Variants in NTNG2 observed in about 807,000 individuals in gnomAD.
NTNG2 encodes netrin G2, also known as netrin-G2.
NTNG2 carries 15 observed loss-of-function variants against 47.6 expected under a neutral mutation model. The observed-to-expected ratio is 0.32, with a 90% CI of 0.21 to 0.49. The LOEUF (loss-of-function observed/expected upper bound fraction) is 0.49. NTNG2 is among the 20% of genes least tolerant of loss of function. The probability of loss-of-function intolerance (pLI) is 0.99; values close to 1 mark genes in which losing one functional copy is unlikely to be tolerated. For synonymous variants in NTNG2, 307 were observed against 324.6 expected (o/e 0.95, Z 0.58); for missense variants, 578 against 764.6 (o/e 0.76, Z 2.88).
At chr9:132,167,115 G>A in intron 2 of NTNG2, 71 bp downstream of exon 2, 3 of 1,527,500 alleles carry the variant, frequency 2.0e-6, no homozygotes, top group Non-Finnish European at 2.7e-6. Flanking sequence ...TCCTTGGGGT[G>A]GACGAGCAGA....
intron 2 of NTNG2, among the ~76,000 whole-genome samples, chr9:132,191,820 C>T (rs935453238): frequency 2.0e-5 from 3 of 152,212 alleles, no homozygotes; most frequent in African/African-American, 2.4e-5. Flanking sequence ...ATCCACCCGC[C>T]TCAGCCTCCC....
intron 2 of NTNG2, among the ~76,000 whole-genome samples, chr9:132,190,259 AAAG>A (rs1837779262): frequency 7.3e-6 from 1 of 136,130 alleles, no homozygotes; most frequent in Admixed American, 7.4e-5. Context: ...AAAAAAAAAA[AAAG>A]AAGGTTTTAG....
At chr9:132,204,239 A>G (rs915931318) in intron 3 of NTNG2, among the ~76,000 whole-genome samples, 8 of 152,172 alleles carry the variant, frequency 5.3e-5, no homozygotes, top group Non-Finnish European at 8.8e-5. Context: ...CGGCTCCTGC[A>G]GACCCAGCTT....
chr9:132,170,357 A>G (rs756948924), intron 2 of NTNG2, among the ~76,000 whole-genome samples: 3 of 152,364 alleles, frequency 2.0e-5, no homozygotes, highest in South Asian at 2.1e-4. Flanking sequence ...TCAACAGAGG[A>G]TTCTTGGGCG....
intron 2 of NTNG2, among the ~76,000 whole-genome samples, chr9:132,196,869 A>C (rs1838351886): frequency 6.6e-6 from 1 of 152,330 alleles, no homozygotes; most frequent in Admixed American, 6.5e-5. Context: ...ACTTCTGTCC[A>C]ATTGGCTGTA....
In NTNG2 at chr9:132,231,992, G is replaced by A. The variant is rs541907835; in HGVS notation, c.1054+1397G>A. ...GACACCTGGGTCAACCTGTTCCTGA[G>A]CCCAGCCAGGGGATTCAGGGATCAG... On this transcript the variant is annotated intron_variant, in intron 5 of 7. Transcript: ENST00000393229. The surrounding 1 kb of genome is among the most constrained non-coding windows in gnomAD (Gnocchi z 4.1). 2 of 152,536 alleles carry A rather than the reference G, an allele frequency of 1.3e-5. No individual in the cohort carries two copies. The highest frequency in any genetic ancestry group is 4.8e-5 in the African/African-American group (2 of 41,580). The allele number at this position is 152,536 out of a possible 1,614,324, so 9.4% of individuals were successfully genotyped here. A position where few individuals can be genotyped will look rare whatever the true frequency, so the allele number is the denominator to read the frequency against.
chr9:132,163,998 CT>C lies in NTNG2; in HGVS notation c.-484+1760del, dbSNP rs2131246399. Among the ~76,000 whole-genome samples the C allele has an allele frequency of 6.6e-6, 1 of 152,270 alleles. No individual in the cohort carries two copies. The highest frequency in any genetic ancestry group is 6.5e-5 in the Admixed American group (1 of 15,298). On this transcript the variant is annotated intron_variant, in intron 1 of 7. Transcript: ENST00000393229. This position sits in a 1 kb window ranked among gnomAD's most constrained non-coding sequence, Gnocchi z 7.2. ...CGATCCTCCGGGATGCAGCTTCTTA[CT>C]CTGAAAATTTCCCTGCCGACTCCTC...
At chr9:132,207,943 A>G (rs1386180953) in intron 3 of NTNG2, among the ~76,000 whole-genome samples, 1 of 152,174 alleles carries the variant, frequency 6.6e-6, no homozygotes, top group East Asian at 1.9e-4. Flanking sequence ...ATCACGACAA[A>G]AAATACAAAA....
intron 3 of NTNG2, among the ~76,000 whole-genome samples, chr9:132,223,253 GCC>G (rs1840479862): frequency 6.6e-6 from 1 of 152,204 alleles, no homozygotes; most frequent in Non-Finnish European, 1.5e-5. Flanking sequence ...TTAGCTGGAA[GCC>G]CCAGGGCTGG....
At chr9:132,184,889 T>A (rs1837229594) in intron 2 of NTNG2, among the ~76,000 whole-genome samples, 1 of 152,164 alleles carries the variant, frequency 6.6e-6, no homozygotes, top group Non-Finnish European at 1.5e-5. Context: ...ACCAGTGCAC[T>A]CCAGCCTGGA....
intron 4 of NTNG2, among the ~76,000 whole-genome samples, chr9:132,227,810 T>C (rs1225153738): frequency 6.6e-6 from 1 of 152,124 alleles, no homozygotes; most frequent in African/African-American, 2.4e-5. Context: ...GTCCACACTG[T>C]CTCCATGAAA....
chr9:132,205,628 C>A (rs994008527), intron 3 of NTNG2, among the ~76,000 whole-genome samples: 1 of 152,154 alleles, frequency 6.6e-6, no homozygotes, highest in Admixed American at 6.5e-5. Context: ...TGCCTGTAAT[C>A]TCAGCACTTT....
At chr9:132,241,566 G>A in intron 7 of NTNG2, 1 of 402,150 alleles carries the variant, frequency 2.5e-6, no homozygotes, top group Non-Finnish European at 4.5e-6. Flanking sequence ...GGCACAGGGT[G>A]AAAGGAGGCT....
At position 132,163,681 on chromosome 9, in the gene NTNG2, C is replaced by T. The variant is rs1018351849; in HGVS notation, c.-484+1442C>T. On this transcript the variant is annotated intron_variant, in intron 1 of 7. Coordinates refer to ENST00000393229, the MANE Select transcript of NTNG2 (RefSeq NM_032536.4). The surrounding 1 kb of genome is among the most constrained non-coding windows in gnomAD (Gnocchi z 7.2). ...GCCCTCCCTCCCGTGCCCCCAGGGG[C>T]CCCGCGCCCGCCGCGGCAAGTTTCC... Among the ~76,000 whole-genome samples, 26 of 152,064 alleles carry T rather than the reference C, an allele frequency of 1.7e-4. No homozygotes were observed. Among genetic ancestry groups the T allele is most frequent in the South Asian group, 4.1e-4 (2 of 4,830 alleles).
rs185944786 is a variant in NTNG2, at chr9:132,204,262, T to C, written c.857+5653T>C. Among the ~76,000 whole-genome samples, 4 of 152,306 alleles carry C rather than the reference T, an allele frequency of 2.6e-5. No individual in the cohort carries two copies. The East Asian group carries it at 7.7e-4, about 29-fold the overall frequency. Reference sequence around the variant, plus strand: ...GCAGACCCAGCTTCCCCAGACCCTGTGGGGGTCTAGCTGCTCTATGTCCCT... The same window carrying C: ...GCAGACCCAGCTTCCCCAGACCCTGCGGGGGTCTAGCTGCTCTATGTCCCT... On this transcript the variant is annotated intron_variant, in intron 3 of 7. Transcript: ENST00000393229.
At chr9:132,212,207 T>C (rs995849743) in intron 3 of NTNG2, among the ~76,000 whole-genome samples, 3 of 152,104 alleles carry the variant, frequency 2.0e-5, no homozygotes, top group Admixed American at 2.0e-4. Context: ...TGTTGGGCCT[T>C]CCTGCAGGGG....
At chr9:132,194,388 A>G (rs1838122756) in intron 2 of NTNG2, among the ~76,000 whole-genome samples, 1 of 151,958 alleles carries the variant, frequency 6.6e-6, no homozygotes, top group East Asian at 1.9e-4. Context: ...CCTGCTACCC[A>G]CTCAGGCCAT....
chr9:132,231,133 G>C lies in NTNG2; in HGVS notation c.1054+538G>C, dbSNP rs1022633149. 9.9e-5 allele frequency among the ~76,000 whole-genome samples: 15 copies of C among 152,144 alleles called. No individual in the cohort carries two copies. Among genetic ancestry groups the C allele is most frequent in the African/African-American group, 3.1e-4 (13 of 41,422 alleles). ...GCTCTGCTCGTCCAGGTCAGCTCAG[G>C]TCCCAGGGGAGTCGGACCAGGGAGG... On this transcript the variant is annotated intron_variant, in intron 5 of 7. Coordinates refer to ENST00000393229, the MANE Select transcript of NTNG2 (RefSeq NM_032536.4). The surrounding 1 kb of genome is among the most constrained non-coding windows in gnomAD (Gnocchi z 4.1).
intron 2 of NTNG2, among the ~76,000 whole-genome samples, chr9:132,190,330 G>C (rs1429360953): frequency 6.6e-6 from 1 of 151,534 alleles, no homozygotes; most frequent in Admixed American, 6.6e-5. Flanking sequence ...GCCCAAGCCT[G>C]TGGAGCTGGG....
Sources: gnomAD v4.1 joint callset for allele counts (sites outside exome capture counted in the v4.1 genomes callset) on GRCh38, gnomAD v4.1.1 for gene constraint, Gnocchi (gnomAD v3.1) non-coding constraint, MANE v1.5 for transcripts, NCBI Gene and HGNC (gene_info 2026-07-23, HGNC 2026-07-21) for gene names.